MSRA: variants seen among roughly 807,000 people sequenced by gnomAD.
The protein encoded by MSRA is mitochondrial peptide methionine sulfoxide reductase.
In MSRA, 54 loss-of-function variants were observed where a neutral mutation model predicts 31.3. That is an observed-to-expected ratio of 1.73 (90% CI 1.39 to 2.17). MSRA has a LOEUF of 2.17. MSRA is among the 30% of genes most tolerant of loss of function. The probability of loss-of-function intolerance (pLI) is 0.00; values close to 1 mark genes in which losing one functional copy is unlikely to be tolerated. For synonymous variants in MSRA, 169 were observed against 116.5 expected (o/e 1.45, Z -2.90); for missense variants, 507 against 300.9 (o/e 1.69, Z -5.07).
chr8:10,059,473 C>G (rs776669634), intron 1 of MSRA, among the ~76,000 whole-genome samples: 6 of 152,140 alleles, frequency 3.9e-5, no homozygotes, highest in Admixed American at 1.3e-4. Flanking sequence ...AGTTTCTGGC[C>G]TTAACTCCTA....
Position 10,149,398 on chromosome 8 carries a change from A to C in MSRA, c.143-58435A>C, listed in dbSNP as rs191300905. On this transcript the variant is annotated intron_variant, in intron 1 of 5. Coordinates refer to ENST00000317173, the MANE Select transcript of MSRA (RefSeq NM_012331.5). Reference sequence around the variant, plus strand: ...CTCGGCCTCCCAAAGTGCTGGGGTTACAGGCGTGAGCCACCGCGCCCGGCT... The same window carrying C: ...CTCGGCCTCCCAAAGTGCTGGGGTTCCAGGCGTGAGCCACCGCGCCCGGCT... 7.3e-4 allele frequency among the ~76,000 whole-genome samples: 111 copies of C among 152,294 alleles called. 1 individual carries two copies. Among genetic ancestry groups the C allele is most frequent in the Middle Eastern group, 3.4e-3 (1 of 294 alleles).
At chr8:10,164,732 G>A (rs1430207055) in intron 1 of MSRA, among the ~76,000 whole-genome samples, 1 of 152,078 alleles carries the variant, frequency 6.6e-6, no homozygotes, top group Non-Finnish European at 1.5e-5. Flanking sequence ...CCTCAACCCT[G>A]GGCTGCACTT....
At chr8:10,097,064 T>C (rs1799206382) in intron 1 of MSRA, among the ~76,000 whole-genome samples, 1 of 152,196 alleles carries the variant, frequency 6.6e-6, no homozygotes, top group Non-Finnish European at 1.5e-5. Context: ...TAAAAACCTG[T>C]CTATAGCTTT....
intron 1 of MSRA, among the ~76,000 whole-genome samples, chr8:10,157,513 T>A (rs974552300): frequency 6.6e-6 from 1 of 152,064 alleles, no homozygotes; most frequent in Non-Finnish European, 1.5e-5. Flanking sequence ...TGAGGAGGGC[T>A]TGGGATAGTG....
At position 10,367,937 on chromosome 8, in the gene MSRA, T is replaced by C. The variant is rs948898130; in HGVS notation, c.543+47948T>C. ...TCCGTGGCAGAGAGGGTGTGCTCAC[T>C]TACTCCAGGTGACAGGAGGGGACTT... On this transcript the variant is annotated intron_variant, in intron 5 of 5. Coordinates refer to ENST00000317173, the MANE Select transcript of MSRA (RefSeq NM_012331.5). Among the ~76,000 whole-genome samples the C allele has an allele frequency of 1.4e-4, 21 of 152,292 alleles. 1 individual carries two copies. The highest frequency in any genetic ancestry group is 3.4e-4 in the African/African-American group (14 of 41,568).
Position 10,153,498 on chromosome 8 carries a change from C to A in MSRA, c.143-54335C>A, listed in dbSNP as rs536129886. On this transcript the variant is annotated intron_variant, in intron 1 of 5. Transcript: ENST00000317173. ...GAATGCTCACACCAGCGTCTTTCTT[C>A]AGGACAGCTTTCTACCTTCCTTTTT... 1.1e-4 allele frequency among the ~76,000 whole-genome samples: 16 copies of A among 140,048 alleles called. No homozygotes were observed. In the South Asian group the frequency reaches 4.2e-3, roughly 36 times the overall value. 91.9% of individuals were successfully genotyped at this position (140,048 alleles called of 152,430 possible).
At chr8:10,064,159 G>A (rs11985767) in intron 1 of MSRA, among the ~76,000 whole-genome samples, 2,854 of 152,256 alleles carry the variant, frequency 0.019, 78 homozygotes, top group South Asian at 0.098. Context: ...GGCATGATCA[G>A]AGTTCTCAGA....
chr8:10,064,758 C>G (rs1797375730), intron 1 of MSRA, among the ~76,000 whole-genome samples: 1 of 151,914 alleles, frequency 6.6e-6, no homozygotes, highest in African/African-American at 2.4e-5. Context: ...TTGCATAGGT[C>G]AAAAGTCATG....
intron 1 of MSRA, among the ~76,000 whole-genome samples, chr8:10,182,374 A>C (rs567573538): frequency 4.4e-4 from 67 of 152,258 alleles, no homozygotes; most frequent in Middle Eastern, 3.4e-3. Flanking sequence ...ACACACATCT[A>C]TTCTCTCACA....
At chr8:10,426,280 C>A (rs1244178994) in intron 5 of MSRA, among the ~76,000 whole-genome samples, 2 of 152,194 alleles carry the variant, frequency 1.3e-5, no homozygotes, top group African/African-American at 4.8e-5. Context: ...AGAAAACTTC[C>A]ATTCCGTCAA....
Position 10,328,169 on chromosome 8 carries a change from G to A in MSRA, c.543+8180G>A, listed in dbSNP as rs377520756. Among the ~76,000 whole-genome samples, 293 of 149,792 alleles carry A rather than the reference G, an allele frequency of 2.0e-3. 2 individuals are homozygous for A. The highest frequency in any genetic ancestry group is 5.9e-3 in the African/African-American group (241 of 40,658). On this transcript the variant is annotated intron_variant, in intron 5 of 5. Coordinates refer to ENST00000317173, the MANE Select transcript of MSRA (RefSeq NM_012331.5). Reference sequence around the variant, plus strand: ...TTGTTATCGCCACTTGTGTGTCAACGTAATGCTTTCTAAAATGAAAGTTTG... The same window carrying A: ...TTGTTATCGCCACTTGTGTGTCAACATAATGCTTTCTAAAATGAAAGTTTG...
chr8:10,223,229 C>T (rs184544027), intron 2 of MSRA, among the ~76,000 whole-genome samples: 58 of 152,252 alleles, frequency 3.8e-4, no homozygotes, highest in African/African-American at 1.4e-3. Flanking sequence ...ATTTAAACCA[C>T]TCAGAATCAT....
intron 3 of MSRA, among the ~76,000 whole-genome samples, chr8:10,283,129 T>TAC (rs66507479): frequency 0.12 from 16,777 of 138,444 alleles, 1,025 homozygotes; most frequent in Non-Finnish European, 0.13. Flanking sequence ...ATATTCACAT[T>TAC]ACACACACAC....
At chr8:10,132,428 A>G (rs1270552884) in intron 1 of MSRA, among the ~76,000 whole-genome samples, 1 of 152,202 alleles carries the variant, frequency 6.6e-6, no homozygotes, top group East Asian at 1.9e-4. Flanking sequence ...CTGCTATAGC[A>G]GCATACCGTA....
intron 4 of MSRA, among the ~76,000 whole-genome samples, chr8:10,304,263 TC>T (rs1368978097): frequency 3.3e-5 from 5 of 152,202 alleles, no homozygotes; most frequent in Non-Finnish European, 7.3e-5. Context: ...CACTAAGGCA[TC>T]TGGGATACGC....
intron 5 of MSRA, among the ~76,000 whole-genome samples, chr8:10,419,259 GC>G (rs756077461): frequency 3.3e-5 from 5 of 152,162 alleles, no homozygotes; most frequent in Non-Finnish European, 7.4e-5. Context: ...TTATCCCACA[GC>G]CCCAAATTCC....
chr8:10,416,388 C>G (rs1358608830), intron 5 of MSRA, among the ~76,000 whole-genome samples: 1 of 152,222 alleles, frequency 6.6e-6, no homozygotes, highest in African/African-American at 2.4e-5. Context: ...CCCGGGAAAG[C>G]CCAGGAAAAC....
intron 3 of MSRA, among the ~76,000 whole-genome samples, chr8:10,293,111 T>C (rs1800335495): frequency 6.6e-6 from 1 of 152,120 alleles, no homozygotes; most frequent in African/African-American, 2.4e-5. Context: ...TTTACCCCAA[T>C]GGCCAAGGGT....
intron 3 of MSRA, among the ~76,000 whole-genome samples, chr8:10,246,000 G>T (rs1797603569): frequency 6.6e-6 from 1 of 152,180 alleles, no homozygotes. Flanking sequence ...ATAATGCAGG[G>T]ATCAGCAAAC....
Sources: allele counts gnomAD v4.1 joint callset (sites outside exome capture counted in the v4.1 genomes callset), GRCh38; gene constraint gnomAD v4.1.1; transcripts MANE v1.5; gene names NCBI Gene and HGNC (gene_info 2026-07-23, HGNC 2026-07-21).